The following OXR1 variants were observed in gnomAD, a reference collection of about 807,000 sequenced individuals.
OXR1 encodes oxidation resistance 1.
In OXR1, 41 loss-of-function variants were observed where a neutral mutation model predicts 104.6. That is an observed-to-expected ratio of 0.39 (90% CI 0.31 to 0.51). OXR1 has a LOEUF of 0.51. OXR1 is among the 20% of genes least tolerant of loss of function. The pLI, the probability that OXR1 is intolerant of heterozygous loss-of-function variation, is 0.77. For synonymous variants in OXR1, 348 were observed against 348.4 expected (o/e 1.00, Z 0.01); for missense variants, 955 against 1,031.9 (o/e 0.93, Z 1.02).
At chr8:106,485,622 A>G (rs1243763011) in intron 2 of OXR1, among the ~76,000 whole-genome samples, 1 of 152,122 alleles carries the variant, frequency 6.6e-6, no homozygotes, top group Non-Finnish European at 1.5e-5. Context: ...ATTACTAGGT[A>G]TATAGGCAAA....
chr8:106,502,568 G>A (rs1369994707), intron 2 of OXR1, among the ~76,000 whole-genome samples: 4 of 152,140 alleles, frequency 2.6e-5, no homozygotes, highest in African/African-American at 9.7e-5. Flanking sequence ...TTAGCTAAAT[G>A]TATTCAACTC....
intron 3 of OXR1, among the ~76,000 whole-genome samples, chr8:106,597,060 A>G (rs145611338): frequency 1.1e-3 from 161 of 152,248 alleles, no homozygotes; most frequent in African/African-American, 3.6e-3. Context: ...TCAAAAACAA[A>G]CAAACAAAAA....
At chr8:106,347,583 G>A (rs1040118289) in intron 1 of OXR1, among the ~76,000 whole-genome samples, 1 of 152,248 alleles carries the variant, frequency 6.6e-6, no homozygotes. Context: ...CTACTAGGTT[G>A]TACAGGGACT....
chr8:106,604,602 A>G (rs1286554961), intron 3 of OXR1, among the ~76,000 whole-genome samples: 1 of 152,234 alleles, frequency 6.6e-6, no homozygotes, highest in Non-Finnish European at 1.5e-5. Flanking sequence ...TTTCTTTACT[A>G]ACATATTTTG....
intron 1 of OXR1, among the ~76,000 whole-genome samples, chr8:106,343,308 T>C (rs62527971): frequency 0.032 from 4,925 of 152,336 alleles, 118 homozygotes; most frequent in Non-Finnish European, 0.047. Flanking sequence ...TATAATACTT[T>C]GTCATTTCCA....
At chr8:106,719,065 T>G (rs1219636762) in intron 11 of OXR1, among the ~76,000 whole-genome samples, 1 of 152,218 alleles carries the variant, frequency 6.6e-6, no homozygotes, top group African/African-American at 2.4e-5. Context: ...AAGGAACTAC[T>G]TATTACAGTC....
chr8:106,608,790 T>C (rs1820594215), intron 3 of OXR1, among the ~76,000 whole-genome samples: 1 of 152,208 alleles, frequency 6.6e-6, no homozygotes, highest in Non-Finnish European at 1.5e-5. Flanking sequence ...GGTGCAGAAG[T>C]ATTCCTATAA....
intron 16 of OXR1, among the ~76,000 whole-genome samples, chr8:106,749,342 CAA>C (rs1255701170): frequency 2.6e-4 from 22 of 84,310 alleles, no homozygotes; most frequent in Admixed American, 3.8e-4. Flanking sequence ...GACTCTGTCT[CAA>C]AAAAAAAAAA....
intron 3 of OXR1, among the ~76,000 whole-genome samples, chr8:106,634,185 A>G (rs1455741401): frequency 2.0e-5 from 3 of 152,216 alleles, no homozygotes; most frequent in Non-Finnish European, 2.9e-5. Flanking sequence ...ATGAGCCAGT[A>G]TAACGTGAAA....
At chr8:106,422,348 G>C (rs1487165636) in intron 2 of OXR1, among the ~76,000 whole-genome samples, 2 of 152,054 alleles carry the variant, frequency 1.3e-5, no homozygotes, top group Non-Finnish European at 2.9e-5. Flanking sequence ...ATCCCAATGG[G>C]AAATAAGAGC....
chr8:106,569,208 C>A (rs533030445), intron 3 of OXR1, among the ~76,000 whole-genome samples: 126 of 152,186 alleles, frequency 8.3e-4, no homozygotes, highest in Non-Finnish European at 1.5e-3. Context: ...TCCCCCATAA[C>A]AGTGTTTTAA....
chr8:106,583,006 T>A (rs575114650), intron 3 of OXR1, among the ~76,000 whole-genome samples: 4 of 152,334 alleles, frequency 2.6e-5, no homozygotes, highest in South Asian at 4.1e-4. Flanking sequence ...AATGTGGTTA[T>A]GCTATTTTAA....
intron 2 of OXR1, among the ~76,000 whole-genome samples, chr8:106,480,057 T>TAGAGA (rs1200320771): frequency 1.1e-4 from 17 of 151,996 alleles, no homozygotes; most frequent in African/African-American, 4.1e-4. Flanking sequence ...TTTTAACAAC[T>TAGAGA]ATGGTAGCAA....
At chr8:106,547,825 T>C (rs545654471) in intron 3 of OXR1, among the ~76,000 whole-genome samples, 1 of 152,310 alleles carries the variant, frequency 6.6e-6, no homozygotes, top group East Asian at 1.9e-4. Context: ...TTTTTAGGAA[T>C]GAATATTATT....
chr8:106,271,693 TC>T (rs2130458125), intron 1 of OXR1: 1 of 152,406 alleles, frequency 6.6e-6, no homozygotes, highest in African/African-American at 2.4e-5. Flanking sequence ...CTTTTCTGCC[TC>T]CTTTTCCCAG....
intron 3 of OXR1, among the ~76,000 whole-genome samples, chr8:106,532,689 G>A (rs889208883): frequency 1.3e-5 from 2 of 152,110 alleles, no homozygotes; most frequent in African/African-American, 4.8e-5. Flanking sequence ...TAAGTAAGAG[G>A]AAGATTTTCC....
At chr8:106,337,286 T>G (rs6469059) in intron 1 of OXR1, among the ~76,000 whole-genome samples, 47,875 of 151,998 alleles carry the variant, frequency 0.31, 10,048 homozygotes, top group African/African-American at 0.6. Context: ...GCTTACTGAC[T>G]AAAATTAAAA....
chr8:106,560,559 C>A (rs1372895269), intron 3 of OXR1, among the ~76,000 whole-genome samples: 1 of 152,154 alleles, frequency 6.6e-6, no homozygotes, highest in Non-Finnish European at 1.5e-5. Flanking sequence ...GTCCCATCTG[C>A]TGAGCAGGGG....
At chr8:106,713,627 C>A (rs1831934862) in intron 10 of OXR1, among the ~76,000 whole-genome samples, 196 bp from the exon 11 acceptor site, 1 of 151,842 alleles carries the variant, frequency 6.6e-6, no homozygotes, top group African/African-American at 2.4e-5. Context: ...TTCTAAAGAA[C>A]AACCTGACAG....
Sources: gnomAD v4.1 joint callset for allele counts (sites outside exome capture counted in the v4.1 genomes callset) on GRCh38, gnomAD v4.1.1 for gene constraint, MANE v1.5 for transcripts, NCBI Gene and HGNC (gene_info 2026-07-23, HGNC 2026-07-21) for gene names.